Variants in NECAB1 observed in about 807,000 individuals in gnomAD.
NECAB1 encodes the protein N-terminal EF-hand calcium-binding protein 1.
Under a neutral mutation model 57.5 loss-of-function variants are expected in NECAB1, and 29 were observed. The observed-to-expected ratio is 0.50, with a 90% CI of 0.38 to 0.69. The LOEUF is 0.69. NECAB1 is among the 30% of genes least tolerant of loss of function. The pLI is 0.00. For missense variants in NECAB1, 372 were observed against 413.8 expected, an observed-to-expected ratio of 0.90 and a Z score of 0.88; for synonymous variants, 142 against 147.7, an observed-to-expected ratio of 0.96 and a Z score of 0.28.
intron 2 of NECAB1, among the ~76,000 whole-genome samples, chr8:90,821,989 C>A (rs1235243026): frequency 6.6e-6 from 1 of 151,790 alleles, no homozygotes; most frequent in African/African-American, 2.4e-5. Context: ...AACATAAGGC[C>A]AGGATAATTT....
At chr8:90,825,751 A>C (rs1054666749) in intron 3 of NECAB1, among the ~76,000 whole-genome samples, 2 of 151,928 alleles carry the variant, frequency 1.3e-5, no homozygotes, top group South Asian at 4.1e-4. Context: ...AATATTTTTT[A>C]AACAACCAAT....
chr8:90,813,814 G>C (rs1434969292), intron 2 of NECAB1, among the ~76,000 whole-genome samples: 1 of 152,110 alleles, frequency 6.6e-6, no homozygotes, highest in Non-Finnish European at 1.5e-5. Context: ...AAAAGTTTTT[G>C]TTTTAAAAGT....
chr8:90,807,584 T>C lies in NECAB1; in HGVS notation c.124+5869T>C, dbSNP rs560756782. Among the ~76,000 whole-genome samples the C allele has an allele frequency of 5.2e-4, 79 of 152,292 alleles. No homozygotes were observed. The South Asian group carries it at 6.8e-3, about 13-fold the overall frequency. On this transcript the variant is annotated intron_variant, in intron 2 of 12. Transcript: ENST00000417640. The stretch of plus-strand genomic sequence containing the variant: ...CCGCACTGTGCTCTCCAGACCCTCT[T>C]ATCTTCTAATCAGGGCTCCTAGCTC...
chr8:90,823,529 G>C (rs1355240923), intron 2 of NECAB1, among the ~76,000 whole-genome samples: 1 of 151,464 alleles, frequency 6.6e-6, no homozygotes, highest in Non-Finnish European at 1.5e-5. Flanking sequence ...ATTCTAATTC[G>C]CTTGTGGGGC....
chr8:90,801,715 G>A lies in NECAB1; in HGVS notation c.124G>A (p.Asp42Asn). 2 of 1,519,354 alleles carry A rather than the reference G, an allele frequency of 1.3e-6. No individual in the cohort carries two copies. Among genetic ancestry groups the A allele is most frequent in the Non-Finnish European group, 1.8e-6 (2 of 1,127,010 alleles). 94.1% of individuals were successfully genotyped at this position (1,519,354 alleles called of 1,614,324 possible). A position where few individuals can be genotyped will look rare whatever the true frequency, so the allele number is the denominator to read the frequency against. The change falls in exon 2 of 13, where the codon GAT becomes AAT. Residue 42 changes from aspartate to asparagine, a missense_variant and splice_region_variant. By Grantham distance (23) the Asp-to-Asn change is conservative. Coordinates refer to ENST00000417640, the MANE Select transcript of NECAB1 (RefSeq NM_022351.5). The part of the protein sequence containing the change: ...LDILRRADKN[D>N]DGKLSFEEFK... Reference sequence around the variant, plus strand: ...GATACTGAGGAGAGCAGACAAAAATGGTAAGACCAAAAATCTACAGTATCT... The same window carrying A: ...GATACTGAGGAGAGCAGACAAAAATAGTAAGACCAAAAATCTACAGTATCT...
intron 3 of NECAB1, among the ~76,000 whole-genome samples, chr8:90,842,477 A>G (rs190951923): frequency 6.6e-6 from 1 of 152,256 alleles, no homozygotes; most frequent in African/African-American, 2.4e-5. Context: ...GCAGGGGAAC[A>G]TCATCAGCAG....
intron 12 of NECAB1, among the ~76,000 whole-genome samples, chr8:90,954,623 T>G (rs978001365): frequency 2.4e-4 from 36 of 152,030 alleles, no homozygotes; most frequent in African/African-American, 8.7e-4. Flanking sequence ...TGCCATTGGT[T>G]TGTTTTCAGG....
chr8:90,882,614 T>G (rs960631906), intron 5 of NECAB1, among the ~76,000 whole-genome samples: 2 of 152,082 alleles, frequency 1.3e-5, no homozygotes, highest in Non-Finnish European at 2.9e-5. Context: ...TTAAATACCA[T>G]GGCCTCAGAA....
Position 90,801,288 on chromosome 8 carries a change from A to T in NECAB1, c.100-403A>T, listed in dbSNP as rs555671672. Among the ~76,000 whole-genome samples, 15 of 152,228 alleles carry T rather than the reference A, an allele frequency of 9.9e-5. No individual in the cohort carries two copies. The East Asian group carries it at 2.9e-3, about 29-fold the overall frequency. On this transcript the variant is annotated intron_variant, in intron 1 of 12. Coordinates refer to ENST00000417640, the MANE Select transcript of NECAB1 (RefSeq NM_022351.5). ...GCCCTGCCCATTCCTAGGAAGCTTA[A>T]TCTGTTTTCTGTCCCTATAGATTAG...
At chr8:90,954,640 A>G (rs1810985476) in intron 12 of NECAB1, among the ~76,000 whole-genome samples, 1 of 151,972 alleles carries the variant, frequency 6.6e-6, no homozygotes, top group East Asian at 1.9e-4. Context: ...CAGGATATCT[A>G]TATTCACTGG....
intron 5 of NECAB1, among the ~76,000 whole-genome samples, chr8:90,901,488 G>A (rs1260054420): frequency 6.6e-6 from 1 of 152,196 alleles, no homozygotes; most frequent in Non-Finnish European, 1.5e-5. Context: ...AGCTTTTCGT[G>A]TTTTGTGCTT....
At chr8:90,882,741 G>A (rs538412248) in intron 5 of NECAB1, among the ~76,000 whole-genome samples, 119 of 152,144 alleles carry the variant, frequency 7.8e-4, no homozygotes, top group Admixed American at 3.3e-3. Context: ...CAATGTTTTC[G>A]TTGTTGTTTA....
chr8:90,909,631 T>C (rs943862499), intron 5 of NECAB1, among the ~76,000 whole-genome samples: 3 of 151,614 alleles, frequency 2.0e-5, no homozygotes, highest in African/African-American at 7.3e-5. Flanking sequence ...TTTTCTGGAA[T>C]AAAAGTGTTG....
chr8:90,800,790 G>A (rs1811746012), intron 1 of NECAB1, among the ~76,000 whole-genome samples: 1 of 152,088 alleles, frequency 6.6e-6, no homozygotes, highest in Non-Finnish European at 1.5e-5. Flanking sequence ...TGGCCCTAAT[G>A]TGCTCATCCC....
At chr8:90,917,727 GA>G in intron 6 of NECAB1, 99 bp downstream of exon 6, 1 of 1,159,544 alleles carries the variant, frequency 8.6e-7, no homozygotes, top group South Asian at 2.5e-5. Context: ...AACTAAAAAA[GA>G]GAATTGATAT....
chr8:90,892,097 C>T (rs1784658841), intron 5 of NECAB1, among the ~76,000 whole-genome samples: 1 of 152,154 alleles, frequency 6.6e-6, no homozygotes, highest in African/African-American at 2.4e-5. Flanking sequence ...GGCAATTATG[C>T]AAAATGTTCA....
rs547300032 is a variant in NECAB1, at chr8:90,926,270, C to T, written c.616+614C>T. 8.8e-4 allele frequency among the ~76,000 whole-genome samples: 134 copies of T among 152,238 alleles called. 6 individuals carry two copies. In the South Asian group the frequency reaches 0.025, roughly 29 times the overall value. On this transcript the variant is annotated intron_variant, in intron 7 of 12. Coordinates refer to ENST00000417640, the MANE Select transcript of NECAB1 (RefSeq NM_022351.5). ...TATACATGCACATATGTCACTTGAACGTGTCATTTTAACACGAGTCTTTAT... is the reference window on the plus strand; with the variant it reads ...TATACATGCACATATGTCACTTGAATGTGTCATTTTAACACGAGTCTTTAT...
At chr8:90,902,277 A>C (rs1327763772) in intron 5 of NECAB1, among the ~76,000 whole-genome samples, 1 of 152,128 alleles carries the variant, frequency 6.6e-6, no homozygotes, top group Non-Finnish European at 1.5e-5. Flanking sequence ...AAAATTAGCC[A>C]AGCACAATGG....
intron 5 of NECAB1, among the ~76,000 whole-genome samples, chr8:90,900,059 T>G (rs145354710): frequency 2.0e-5 from 3 of 152,312 alleles, no homozygotes; most frequent in Non-Finnish European, 4.4e-5. Flanking sequence ...TGTAAAGGCA[T>G]GAACCTTTCC....
Sources: allele counts gnomAD v4.1 joint callset (sites outside exome capture counted in the v4.1 genomes callset), GRCh38; gene constraint gnomAD v4.1.1; transcripts MANE v1.5; gene names NCBI Gene and HGNC (gene_info 2026-07-23, HGNC 2026-07-21).